Variants in DOCK8 observed in about 807,000 individuals in gnomAD.
DOCK8 encodes the protein dedicator of cytokinesis 8.
DOCK8 carries 141 observed loss-of-function variants against 245.6 expected under a neutral mutation model. That is an observed-to-expected ratio of 0.57 (90% CI 0.50 to 0.66). DOCK8 has a LOEUF of 0.66. DOCK8 is among the 30% of genes least tolerant of loss of function. DOCK8 has a pLI of 0.00. For missense variants in DOCK8, 2,965 were observed against 2,603.4 expected, an observed-to-expected ratio of 1.14 and a Z score of -3.02; for synonymous variants, 1,168 against 970.2, an observed-to-expected ratio of 1.20 and a Z score of -3.79.
At chr9:254,288 C>T (rs2047718324) in intron 1 of DOCK8, among the ~76,000 whole-genome samples, 1 of 152,128 alleles carries the variant, frequency 6.6e-6, no homozygotes, top group Admixed American at 6.5e-5. Context: ...CCTCCTAAAC[C>T]CTCATGGACT....
At chr9:297,429 T>C (rs1048194696) in intron 4 of DOCK8, among the ~76,000 whole-genome samples, 1 of 152,214 alleles carries the variant, frequency 6.6e-6, no homozygotes, top group Admixed American at 6.5e-5. Flanking sequence ...TGTGTTAGAA[T>C]AGTGTTTTAA....
chr9:227,106 T>C (rs930446849), intron 1 of DOCK8, among the ~76,000 whole-genome samples: 3 of 152,296 alleles, frequency 2.0e-5, no homozygotes, highest in Middle Eastern at 3.4e-3. Context: ...ACTTGGGACA[T>C]GCATGTATGA....
At chr9:340,046 A>G (rs1402111505) in intron 13 of DOCK8, 113 bp from the exon 14 acceptor site, 2 of 1,232,516 alleles carry the variant, frequency 1.6e-6, no homozygotes, top group Admixed American at 2.1e-5. Flanking sequence ...ACTTTTTTAC[A>G]GTACTATAGT....
At position 254,676 on chromosome 9, in the gene DOCK8, C is replaced by CCA. The variant is rs1384771024; in HGVS notation, c.54-16948_54-16947dup. 6.6e-5 allele frequency among the ~76,000 whole-genome samples: 10 copies of CCA among 152,158 alleles called. No individual in the cohort carries two copies. In the South Asian group the frequency reaches 1.4e-3, roughly 22 times the overall value. On this transcript the variant is annotated intron_variant, in intron 1 of 47. Transcript: ENST00000432829. The stretch of plus-strand genomic sequence containing the variant: ...TGGAAGTGGAAAATTGCAGATAGAA[C>CCA]CACATTGACTCACATTCTCCTTCTA...
intron 4 of DOCK8, among the ~76,000 whole-genome samples, chr9:302,418 AC>A (rs2049594465): frequency 6.6e-6 from 1 of 152,226 alleles, no homozygotes; most frequent in South Asian, 2.1e-4. Flanking sequence ...ACTGGGAAAT[AC>A]TATTCTGGCC....
chr9:444,052 C>T (rs1298456380), intron 43 of DOCK8, among the ~76,000 whole-genome samples: 3 of 152,134 alleles, frequency 2.0e-5, no homozygotes, highest in Admixed American at 1.3e-4. Context: ...TCCGGGATCA[C>T]TGTGCTGTTG....
At chr9:397,435 T>A (rs113860856) in intron 25 of DOCK8, among the ~76,000 whole-genome samples, 7,161 of 149,950 alleles carry the variant, frequency 0.048, 236 homozygotes, top group African/African-American at 0.084. Flanking sequence ...ACACCTGTAA[T>A]CCCAGCACTT....
chr9:263,617 C>G (rs1563851384), intron 1 of DOCK8, among the ~76,000 whole-genome samples: 1 of 152,180 alleles, frequency 6.6e-6, no homozygotes. Flanking sequence ...ACTCTCCTTA[C>G]TATTTATTTT....
At chr9:445,043 T>C (rs2057208858) in intron 43 of DOCK8, among the ~76,000 whole-genome samples, 1 of 152,216 alleles carries the variant, frequency 6.6e-6, no homozygotes. Flanking sequence ...TTGAAGAGTT[T>C]GTTTTTCTAC....
rs979193408 is a variant in DOCK8, at chr9:433,940, G to C, written c.4851G>C (p.Gln1617His). 1 of 1,614,148 alleles carries C rather than the reference G, an allele frequency of 6.2e-7. No homozygotes were observed. Among genetic ancestry groups the C allele is most frequent in the African/African-American group, 1.3e-5 (1 of 75,036 alleles). ...ACACAGTGAAAATGAGGGAATTTCAGGAAGATCCTGAGATGCTTATGGATC... is the reference window on the plus strand; with the variant it reads ...ACACAGTGAAAATGAGGGAATTTCACGAAGATCCTGAGATGCTTATGGATC... Reference protein sequence around the residue: ...LYDTVKMREFQEDPEMLMDLM... With the variant: ...LYDTVKMREFHEDPEMLMDLM... The change falls in exon 38 of 48, where the codon CAG (glutamine) becomes CAC (histidine). Residue 1617 changes from glutamine to histidine, a missense_variant. This residue lies in a region of DOCK8 where 2,825 missense variants were observed against 2,453.5 expected (regional missense o/e 1.15). Transcript: ENST00000432829.
intron 14 of DOCK8, chr9:365,867 C>A: frequency 3.0e-6 from 1 of 332,114 alleles, no homozygotes; most frequent in South Asian, 2.4e-5. Context: ...CATCCCTGCA[C>A]CCCAACTGTC....
intron 37 of DOCK8, among the ~76,000 whole-genome samples, chr9:433,460 C>T (rs2056788908): frequency 6.6e-6 from 1 of 152,172 alleles, no homozygotes; most frequent in South Asian, 2.1e-4. Context: ...ATCTCTGAAG[C>T]CCTGGGAAGA....
chr9:311,795 A>G (rs999918372), intron 5 of DOCK8, among the ~76,000 whole-genome samples, 159 bp from the exon 6 acceptor site: 11 of 152,210 alleles, frequency 7.2e-5, no homozygotes, highest in Non-Finnish European at 1.5e-4. Flanking sequence ...GGAAGCTGAG[A>G]TGTCATTCTT....
chr9:328,162 G>A lies in DOCK8; in HGVS notation c.1035G>A (p.Leu345=). The A allele has an allele frequency of 6.2e-7, 1 of 1,613,648 alleles. No individual in the cohort carries two copies. The highest frequency in any genetic ancestry group is 8.5e-7 in the Non-Finnish European group (1 of 1,179,778). Residue 345 remains leucine, a synonymous_variant, in exon 9 of 48, where the codon CTG becomes CTA. Coordinates refer to ENST00000432829, the MANE Select transcript of DOCK8 (RefSeq NM_203447.4). The stretch of plus-strand genomic sequence containing the variant: ...CCTACCCGTCCTCAGACATCTACCT[G>A]GTAGTCAAGGTAATTCAGTACGATC... ...SVTYPSSDIY[L]VVKIEKVLQQ... is the part of the protein sequence containing the mutation.
At chr9:444,117 TG>T (rs2057174134) in intron 43 of DOCK8, among the ~76,000 whole-genome samples, 1 of 152,024 alleles carries the variant, frequency 6.6e-6, no homozygotes, top group Non-Finnish European at 1.5e-5. Flanking sequence ...CAAGAGGGTA[TG>T]TTCCATTTCA....
intron 7 of DOCK8, 146 bp downstream of exon 7, chr9:317,274 C>G: frequency 1.4e-6 from 1 of 720,308 alleles, no homozygotes; most frequent in Non-Finnish European, 2.5e-6. Context: ...GTAGAAAGGG[C>G]ACGTTTGAGT....
chr9:242,333 G>A (rs1425698611), intron 1 of DOCK8, among the ~76,000 whole-genome samples: 1 of 152,102 alleles, frequency 6.6e-6, no homozygotes, highest in Non-Finnish European at 1.5e-5. Flanking sequence ...CTGTTTTACA[G>A]AGAAGTGGAA....
At chr9:238,701 G>A (rs991123292) in intron 1 of DOCK8, among the ~76,000 whole-genome samples, 2 of 152,108 alleles carry the variant, frequency 1.3e-5, no homozygotes, top group African/African-American at 4.8e-5. Flanking sequence ...ATATGTGATG[G>A]CATATTTCCA....
At chr9:255,732 A>G (rs1036583233) in intron 1 of DOCK8, among the ~76,000 whole-genome samples, 5 of 151,324 alleles carry the variant, frequency 3.3e-5, no homozygotes, top group Non-Finnish European at 7.4e-5. Flanking sequence ...TTTACCATAC[A>G]TGTCCTCTAG....
Sources: allele counts gnomAD v4.1 joint callset (sites outside exome capture counted in the v4.1 genomes callset), GRCh38; gene constraint gnomAD v4.1.1; regional missense constraint gnomAD v4.1.1; transcripts MANE v1.5; gene names NCBI Gene and HGNC (gene_info 2026-07-23, HGNC 2026-07-21).